The following BCL9L variants were observed in gnomAD, a reference collection of about 807,000 sequenced individuals.
The protein encoded by BCL9L is B-cell CLL/lymphoma 9-like protein.
In BCL9L, 19 loss-of-function variants were observed where a neutral mutation model predicts 99.4. The observed-to-expected ratio is 0.19, with a 90% CI of 0.13 to 0.28. The LOEUF is 0.28. Ranked by LOEUF, BCL9L falls within the 10% of genes least tolerant of loss-of-function variation. The pLI is 1.00. For missense variants in BCL9L, 2,023 were observed against 2,101.6 expected (o/e 0.96, Z 0.73); for synonymous variants, 900 against 854.8 (o/e 1.05, Z -0.92).
At chr11:118,907,901 C>T (rs951057045) in intron 4 of BCL9L, among the ~76,000 whole-genome samples, 1 of 152,206 alleles carries the variant, frequency 6.6e-6, no homozygotes, top group Non-Finnish European at 1.5e-5. Flanking sequence ...TCTTCCAGGC[C>T]CCAGTGCCTG....
Position 118,902,378 on chromosome 11 carries a change from G to A in BCL9L, c.1365C>T (p.Pro455=), listed in dbSNP as rs367909111. The part of the protein sequence containing the change: ...AQAPPPPQQP[P]TAPPSGLKKY... Reference sequence around the variant, plus strand: ...TCTTCAGCCCGCTGGGAGGGGCCGTGGGTGGCTGCTGGGGGGGAGGGGGGG... The same window carrying A: ...TCTTCAGCCCGCTGGGAGGGGCCGTAGGTGGCTGCTGGGGGGGAGGGGGGG... Residue 455 remains proline, a synonymous_variant, in exon 8 of 10, where the codon CCC becomes CCT. Transcript: ENST00000683865. This position sits in a 1 kb window ranked among gnomAD's most constrained non-coding sequence, Gnocchi z 7.8. 2,816 of 1,545,104 alleles carry A rather than the reference G, an allele frequency of 1.8e-3. 2 individuals carry two copies. Among genetic ancestry groups the A allele is most frequent in the Non-Finnish European group, 2.3e-3 (2,606 of 1,149,364 alleles).
At position 118,914,863 on chromosome 11, in the gene BCL9L, C is replaced by T. The variant is rs1301753925; in HGVS notation, c.-77+3963G>A. Among the ~76,000 whole-genome samples the T allele has an allele frequency of 1.3e-5, 2 of 152,162 alleles. No homozygotes were observed. Among genetic ancestry groups the T allele is most frequent in the African/African-American group, 4.8e-5 (2 of 41,410 alleles). On this transcript the variant is annotated intron_variant, in intron 2 of 9. Coordinates refer to ENST00000683865, the MANE Select transcript of BCL9L (RefSeq NM_001378213.1). The surrounding 1 kb of genome is among the most constrained non-coding windows in gnomAD (Gnocchi z 4.4). Reference sequence around the variant, plus strand: ...ATAAGAACTGAGTTTGAGGGCCGGGCGCGGTGGCACACGCCTGTAATCCCA... The same window carrying T: ...ATAAGAACTGAGTTTGAGGGCCGGGTGCGGTGGCACACGCCTGTAATCCCA...
rs557297965 is a variant in BCL9L at position 118,903,242 on chromosome 11, G to C, written c.743C>G (p.Ala248Gly). 6.3e-7 allele frequency: 1 copy of C among 1,592,010 alleles called. No homozygotes were observed. The highest frequency in any genetic ancestry group is 2.3e-5 in the East Asian group (1 of 44,228). Residue 248 changes from alanine to glycine, a missense_variant, in exon 6 of 10, where the codon GCC (alanine) becomes GGC (glycine). Ala to Gly is a moderately conservative substitution (Grantham distance 60). Coordinates refer to ENST00000683865, the MANE Select transcript of BCL9L (RefSeq NM_001378213.1). This position sits in a 1 kb window ranked among gnomAD's most constrained non-coding sequence, Gnocchi z 5.6. ...CTGCCCACCAGGCACTTACGTGTTG[G>C]CCAGGTGGGTGGTGAAGACATATAC... ...QFVYVFTTHL[A>G]NTAAEAVLQG...
rs147390469 is a variant in BCL9L at position 118,902,171 on chromosome 11, C to T, written c.1572G>A (p.Gln524=). Residue 524 remains glutamine, a synonymous_variant, in exon 8 of 10, where the codon CAG becomes CAA. Coordinates refer to ENST00000683865, the MANE Select transcript of BCL9L (RefSeq NM_001378213.1). The surrounding 1 kb of genome is among the most constrained non-coding windows in gnomAD (Gnocchi z 7.8). ...TPEQVAWRKL[Q]EEYYEEKRRK... is the part of the protein sequence containing the mutation. ...GCCGTTTCTCTTCGTAGTACTCCTC[C>T]TGCAGCTTGCGCCAGGCCACCTGCT... 8.7e-6 allele frequency: 14 copies of T among 1,614,044 alleles called. No individual in the cohort carries two copies. The African/African-American group carries it at 1.9e-4, about 22-fold the overall frequency.
intron 2 of BCL9L, among the ~76,000 whole-genome samples, chr11:118,911,449 G>T (rs1213913694): frequency 2.0e-5 from 3 of 152,226 alleles, no homozygotes; most frequent in African/African-American, 7.2e-5. Flanking sequence ...GGGGAGGAAG[G>T]CTCCTGGGGG....
chr11:118,920,848 G>C (rs1056815994), intron 1 of BCL9L, among the ~76,000 whole-genome samples: 1 of 152,156 alleles, frequency 6.6e-6, no homozygotes, highest in Non-Finnish European at 1.5e-5. Context: ...CCCACTCCAG[G>C]AAACTTCCCT....
chr11:118,917,751 G>T (rs1273076922), intron 2 of BCL9L, among the ~76,000 whole-genome samples: 1 of 152,182 alleles, frequency 6.6e-6, no homozygotes, highest in African/African-American at 2.4e-5. Flanking sequence ...CCAGGACAGA[G>T]CAAAGTTCTC....
rs1185743146 is a variant in BCL9L, at chr11:118,896,183, C to T, written c.*2232G>A. 1 of 166,780 alleles carries T rather than the reference C, an allele frequency of 6.0e-6. No homozygotes were observed. Among genetic ancestry groups the T allele is most frequent in the Non-Finnish European group, 1.5e-5 (1 of 68,088 alleles). 10.3% of individuals were successfully genotyped at this position (166,780 alleles called of 1,614,324 possible). A position where few individuals can be genotyped will look rare whatever the true frequency, so the allele number is the denominator to read the frequency against. On this transcript the variant is annotated 3_prime_UTR_variant, in exon 10 of 10. Coordinates refer to ENST00000683865, the MANE Select transcript of BCL9L (RefSeq NM_001378213.1). Reference sequence around the variant, plus strand: ...ATAAAAAGGCACCTATAAAACAGGTCAATACAGTACAGGCAGCACAGAGAC... The same window carrying T: ...ATAAAAAGGCACCTATAAAACAGGTTAATACAGTACAGGCAGCACAGAGAC...
chr11:118,915,649 G>A (rs1940942451), intron 2 of BCL9L, among the ~76,000 whole-genome samples: 1 of 152,224 alleles, frequency 6.6e-6, no homozygotes, highest in Non-Finnish European at 1.5e-5. Context: ...CAGGAGGCAA[G>A]TGAAGGGGGA....
chr11:118,903,520 T>C lies in BCL9L; in HGVS notation c.533-68A>G. 6.6e-7 allele frequency: 1 copy of C among 1,507,120 alleles called. No individual in the cohort carries two copies. 93.4% of individuals were successfully genotyped at this position (1,507,120 alleles called of 1,614,324 possible). On this transcript the variant is annotated intron_variant, in intron 5 of 9. Coordinates refer to ENST00000683865, the MANE Select transcript of BCL9L (RefSeq NM_001378213.1). This position sits in a 1 kb window ranked among gnomAD's most constrained non-coding sequence, Gnocchi z 5.6. ...ACAAGAAGGACCAGCTGATGCCCCCTCCCACTGATGCTCACAGCCTTACAG... is the reference window on the plus strand; with the variant it reads ...ACAAGAAGGACCAGCTGATGCCCCCCCCCACTGATGCTCACAGCCTTACAG...
chr11:118,909,745 G>A (rs984274655), intron 3 of BCL9L, among the ~76,000 whole-genome samples, 169 bp downstream of exon 3: 3 of 152,072 alleles, frequency 2.0e-5, no homozygotes, highest in Non-Finnish European at 4.4e-5. Flanking sequence ...CTCCTGCCTC[G>A]GGCCAGGCCT....
rs972084506 is a variant in BCL9L at position 118,897,522 on chromosome 11, C to T, written c.*893G>A. 8.9e-6 allele frequency: 3 copies of T among 337,480 alleles called. No homozygotes were observed. Among genetic ancestry groups the T allele is most frequent in the Non-Finnish European group, 1.7e-5 (3 of 172,932 alleles). 20.9% of individuals were successfully genotyped at this position (337,480 alleles called of 1,614,324 possible). A position where few individuals can be genotyped will look rare whatever the true frequency, so the allele number is the denominator to read the frequency against. The stretch of plus-strand genomic sequence containing the variant: ...CACTCAGCAGCAGACAGGCTGCCGC[C>T]CTGGGGGTCTCAGCCCTGCTAGGGC... On this transcript the variant is annotated 3_prime_UTR_variant, in exon 10 of 10. Coordinates refer to ENST00000683865, the MANE Select transcript of BCL9L (RefSeq NM_001378213.1).
rs777795040 is a variant in BCL9L, at chr11:118,901,554, C to A, written c.2189G>T (p.Gly730Val). Residue 730 changes from glycine (G) to valine (V), a missense_variant, in exon 8 of 10, where the codon GGT becomes GTT. Physicochemically the swap from Gly to Val is moderately radical, Grantham distance 109. Transcript: ENST00000683865. This position sits in a 1 kb window ranked among gnomAD's most constrained non-coding sequence, Gnocchi z 6.6. ...CATGGGAGTGCCCGCCAGGCCCTCA[C>A]CACCAGCCATCTGCCCGGGAAACAT... ...PAMFPGQMAG[G>V]EGLAGTPMGM... 1.9e-6 allele frequency: 3 copies of A among 1,614,016 alleles called. No individual in the cohort carries two copies. The Admixed American group carries it at 5.0e-5, about 27-fold the overall frequency.
At chr11:118,920,857 C>T (rs1565630898) in intron 1 of BCL9L, among the ~76,000 whole-genome samples, 4 of 152,286 alleles carry the variant, frequency 2.6e-5, no homozygotes, top group Admixed American at 2.0e-4. Flanking sequence ...GGAAACTTCC[C>T]TATCAAAGGG....
intron 5 of BCL9L, among the ~76,000 whole-genome samples, chr11:118,905,896 T>C (rs552055975): frequency 6.6e-6 from 1 of 152,100 alleles, no homozygotes; most frequent in South Asian, 2.1e-4. Flanking sequence ...TATGGGATGT[T>C]AGCAATTTCT....
rs1940159389 is a variant in BCL9L, at chr11:118,900,271, G to A, written c.3125-73C>T. 16 of 1,442,238 alleles carry A rather than the reference G, an allele frequency of 1.1e-5. No homozygotes were observed. Among genetic ancestry groups the A allele is most frequent in the Admixed American group, 2.5e-5 (1 of 40,558 alleles). 89.3% of individuals were successfully genotyped at this position (1,442,238 alleles called of 1,614,324 possible). On this transcript the variant is annotated intron_variant, in intron 8 of 9. Transcript: ENST00000683865. The surrounding 1 kb of genome is among the most constrained non-coding windows in gnomAD (Gnocchi z 5.3). ...AGATGAGTTTGGCTGTGGATATGGG[G>A]AGGTTTAGGAAGCGGTCAGTTCCCC...
chr11:118,912,224 A>G (rs1274928361), intron 2 of BCL9L, among the ~76,000 whole-genome samples: 1 of 152,240 alleles, frequency 6.6e-6, no homozygotes, highest in Non-Finnish European at 1.5e-5. Context: ...ATCCCAGCCC[A>G]ATGCAATTTT....
chr11:118,904,815 T>G (rs79108568), intron 5 of BCL9L, among the ~76,000 whole-genome samples: 4,355 of 152,320 alleles, frequency 0.029, 85 homozygotes, highest in South Asian at 0.091. Context: ...TCTTCTCTGA[T>G]GGACCCACCC....
intron 3 of BCL9L, among the ~76,000 whole-genome samples, chr11:118,909,564 C>T (rs948535443): frequency 3.3e-5 from 5 of 152,232 alleles, no homozygotes; most frequent in Non-Finnish European, 1.5e-5. Flanking sequence ...CTCCCACCTC[C>T]AGCTAGACTG....
Sources: allele counts gnomAD v4.1 joint callset (sites outside exome capture counted in the v4.1 genomes callset), GRCh38; gene constraint gnomAD v4.1.1; non-coding constraint Gnocchi (gnomAD v3.1); transcripts MANE v1.5; gene names NCBI Gene and HGNC (gene_info 2026-07-23, HGNC 2026-07-21).